The following BMPER variants were observed in gnomAD, a reference collection of about 807,000 sequenced individuals.
BMPER encodes BMP binding endothelial regulator.
In BMPER, 45 loss-of-function variants were observed where a neutral mutation model predicts 87.3. That is an observed-to-expected ratio of 0.52 (90% confidence interval 0.41 to 0.66). The LOEUF (loss-of-function observed/expected upper bound fraction) is 0.66, where lower values mean the gene tolerates loss of function less well. Among genes scored for constraint, BMPER ranks in the 30% least tolerant of loss-of-function variants. BMPER has a pLI of 0.00. For missense variants in BMPER, 784 were observed against 867.5 expected, an observed-to-expected ratio of 0.90 and a Z score of 1.21; for synonymous variants, 326 against 316.2, an observed-to-expected ratio of 1.03 and a Z score of -0.33.
At chr7:34,041,909 G>C (rs934012183) in intron 6 of BMPER, among the ~76,000 whole-genome samples, 1 of 152,156 alleles carries the variant, frequency 6.6e-6, no homozygotes, top group African/African-American at 2.4e-5. Context: ...CCAGCCTCTT[G>C]TTAGGGAGCC....
chr7:33,921,597 T>A (rs1784231743), intron 2 of BMPER, among the ~76,000 whole-genome samples: 1 of 152,110 alleles, frequency 6.6e-6, no homozygotes, highest in Non-Finnish European at 1.5e-5. Context: ...GTCCTTGCAG[T>A]CTAGTTAGGT....
At position 34,126,858 on chromosome 7, in the gene BMPER, TTC is replaced by T. The variant is rs562698400; in HGVS notation, c.1746-16368_1746-16367del. Among the ~76,000 whole-genome samples the T allele has an allele frequency of 1.3e-3, 193 of 152,298 alleles. 1 individual carries two copies. The highest frequency in any genetic ancestry group is 8.3e-4 in the South Asian group (4 of 4,822). On this transcript the variant is annotated intron_variant, in intron 13 of 14. Coordinates refer to ENST00000649409, the MANE Select transcript of BMPER (RefSeq NM_001365308.1). ...AAAGAGATAAAAAGTAGTTTAGAATTTCTCTTTTTTAAAAAAAATGTCCAAAT... is the reference window on the plus strand; with the variant it reads ...AAAGAGATAAAAAGTAGTTTAGAATTTCTTTTTTAAAAAAAATGTCCAAAT...
At chr7:33,926,456 T>G (rs1784364736) in intron 2 of BMPER, among the ~76,000 whole-genome samples, 1 of 152,256 alleles carries the variant, frequency 6.6e-6, no homozygotes, top group Non-Finnish European at 1.5e-5. Flanking sequence ...GTGAATCCCT[T>G]CAGCAACAAG....
chr7:33,947,780 C>A (rs1297067408), intron 3 of BMPER, among the ~76,000 whole-genome samples: 3 of 151,848 alleles, frequency 2.0e-5, no homozygotes, highest in Admixed American at 2.0e-4. Context: ...TATAGGTTGC[C>A]TTTTGTATAG....
At chr7:33,938,547 A>T (rs1006182934) in intron 3 of BMPER, among the ~76,000 whole-genome samples, 1 of 152,148 alleles carries the variant, frequency 6.6e-6, no homozygotes, top group Non-Finnish European at 1.5e-5. Context: ...GCAAGGGGTG[A>T]TTCTTCCCAA....
At chr7:34,043,200 C>T (rs950823165) in intron 6 of BMPER, among the ~76,000 whole-genome samples, 4 of 152,116 alleles carry the variant, frequency 2.6e-5, no homozygotes, top group Non-Finnish European at 4.4e-5. Flanking sequence ...AATAAAGAAC[C>T]GATGCATCTG....
At chr7:34,096,448 G>A (rs1408608777) in intron 13 of BMPER, among the ~76,000 whole-genome samples, 5 of 152,164 alleles carry the variant, frequency 3.3e-5, no homozygotes, top group East Asian at 1.9e-4. Flanking sequence ...GACTCTGTCC[G>A]TTTCCCAATC....
At chr7:33,916,860 A>G (rs1044611255) in intron 2 of BMPER, among the ~76,000 whole-genome samples, 1 of 145,630 alleles carries the variant, frequency 6.9e-6, no homozygotes, top group Admixed American at 6.9e-5. Flanking sequence ...AACACTTGGG[A>G]TAGCTCCCCC....
At chr7:34,092,742 T>A (rs1386548134) in intron 13 of BMPER, among the ~76,000 whole-genome samples, 1 of 152,174 alleles carries the variant, frequency 6.6e-6, no homozygotes, top group Admixed American at 6.5e-5. Flanking sequence ...AGCTTCAAAA[T>A]CTGGTCAGTC....
chr7:33,935,221 G>C (rs370237840), intron 2 of BMPER, among the ~76,000 whole-genome samples: 1 of 152,166 alleles, frequency 6.6e-6, no homozygotes, highest in Non-Finnish European at 1.5e-5. Context: ...TCTGGGGAGC[G>C]TGGAGCCAGT....
intron 2 of BMPER, chr7:33,921,869 A>T (rs760523676): frequency 2.1e-6 from 1 of 470,706 alleles, no homozygotes; most frequent in African/African-American, 2.0e-5. Flanking sequence ...ACCAGACGCA[A>T]ACAACGCAGA....
intron 3 of BMPER, among the ~76,000 whole-genome samples, chr7:33,958,044 C>T (rs1291407306): frequency 3.9e-5 from 6 of 152,066 alleles, no homozygotes; most frequent in Non-Finnish European, 8.8e-5. Flanking sequence ...TTGTCTATAG[C>T]CACCGTAATT....
intron 13 of BMPER, among the ~76,000 whole-genome samples, chr7:34,136,406 C>G (rs995070622): frequency 6.6e-5 from 10 of 152,180 alleles, no homozygotes; most frequent in Admixed American, 3.3e-4. Flanking sequence ...GATGTGCCTT[C>G]CTACCTTGGC....
chr7:34,124,462 T>TG (rs1790348058), intron 13 of BMPER, among the ~76,000 whole-genome samples: 3 of 137,790 alleles, frequency 2.2e-5, no homozygotes, highest in Non-Finnish European at 3.2e-5. Flanking sequence ...TTTTTTTTTT[T>TG]TGTGACAGTA....
Position 34,071,630 on chromosome 7 carries a change from G to A in BMPER, c.1079-7227G>A, listed in dbSNP as rs140754572. 8.0e-4 allele frequency among the ~76,000 whole-genome samples: 118 copies of A among 147,940 alleles called. 1 individual carries two copies. Among genetic ancestry groups the A allele is most frequent in the African/African-American group, 2.6e-3 (106 of 41,300 alleles). On this transcript the variant is annotated intron_variant, in intron 11 of 14. Coordinates refer to ENST00000649409, the MANE Select transcript of BMPER (RefSeq NM_001365308.1). ...GTAGGGAAGAAGATGTTTTAAGGTCGGTTCTTGGATAGTGAGAGTGGCAAA... is the reference window on the plus strand; with the variant it reads ...GTAGGGAAGAAGATGTTTTAAGGTCAGTTCTTGGATAGTGAGAGTGGCAAA...
chr7:33,973,488 G>A (rs71532587), intron 5 of BMPER, among the ~76,000 whole-genome samples: 4,220 of 152,338 alleles, frequency 0.028, 100 homozygotes, highest in Non-Finnish European at 0.042. Flanking sequence ...AGGCTCAGTA[G>A]CACTTGTCTG....
At chr7:34,013,995 T>G (rs1786955257) in intron 6 of BMPER, among the ~76,000 whole-genome samples, 1 of 151,944 alleles carries the variant, frequency 6.6e-6, no homozygotes, top group African/African-American at 2.4e-5. Flanking sequence ...AAATATAGTT[T>G]TGTGGGATTC....
At chr7:33,945,243 CTTTTTTTTT>C (rs376447828) in intron 3 of BMPER, among the ~76,000 whole-genome samples, 7 of 81,758 alleles carry the variant, frequency 8.6e-5, no homozygotes, top group South Asian at 4.2e-4. Context: ...GCCTGGACTT[CTTTTTTTTT>C]TTTTTTTTTT....
At chr7:33,923,560 C>G (rs1784286045) in intron 2 of BMPER, among the ~76,000 whole-genome samples, 1 of 152,188 alleles carries the variant, frequency 6.6e-6, no homozygotes, top group African/African-American at 2.4e-5. Context: ...GGCAGCCTCT[C>G]CTGTGAGCCT....
Sources: gnomAD v4.1 joint callset for allele counts (sites outside exome capture counted in the v4.1 genomes callset) on GRCh38, gnomAD v4.1.1 for gene constraint, MANE v1.5 for transcripts, NCBI Gene and HGNC (gene_info 2026-07-23, HGNC 2026-07-21) for gene names.